P2RY14: variants seen among roughly 807,000 people sequenced by gnomAD.
P2RY14 encodes the protein P2Y purinoceptor 14.
A neutral mutation model predicts 0.9 loss-of-function variants in P2RY14; 2 were observed. The ratio of observed to expected loss-of-function variants is 2.16; its 90% CI spans 0.88 to 6.79. The LOEUF (loss-of-function observed/expected upper bound fraction) is 6.79, where lower values mean the gene tolerates loss of function less well. Ranked by LOEUF, P2RY14 falls within the 30% of genes most tolerant of loss-of-function variation. The pLI is 0.05. For synonymous variants in P2RY14, 158 were observed against 147.2 expected (o/e 1.07, Z -0.53); for missense variants, 378 against 400.1 (o/e 0.94, Z 0.47).
chr3:151,244,672 T>C (rs1734967072), intron 1 of P2RY14, among the ~76,000 whole-genome samples: 1 of 150,200 alleles, frequency 6.7e-6, no homozygotes, highest in Non-Finnish European at 1.5e-5. Context: ...GCAGGAAAGA[T>C]CCAAAATTGA....
At chr3:151,247,428 C>T (rs924981866) in intron 1 of P2RY14, among the ~76,000 whole-genome samples, 7 of 151,888 alleles carry the variant, frequency 4.6e-5, no homozygotes, top group African/African-American at 1.7e-4. Flanking sequence ...GAATACTATG[C>T]AGCCATAAAA....
intron 1 of P2RY14, among the ~76,000 whole-genome samples, chr3:151,225,803 T>G (rs748121305): frequency 1.3e-5 from 2 of 152,214 alleles, no homozygotes; most frequent in Non-Finnish European, 1.5e-5. Flanking sequence ...ACCACACTTC[T>G]CAGAAGCTGT....
chr3:151,255,179 T>G (rs1007729751), intron 1 of P2RY14, among the ~76,000 whole-genome samples: 2 of 152,140 alleles, frequency 1.3e-5, no homozygotes, highest in African/African-American at 2.4e-5. Flanking sequence ...ACCAATTTCA[T>G]GTAAGAAGGA....
intron 1 of P2RY14, among the ~76,000 whole-genome samples, chr3:151,246,368 C>G (rs1735473342): frequency 6.6e-6 from 1 of 152,142 alleles, no homozygotes. Context: ...TGACTTCAAA[C>G]TATACTACAA....
chr3:151,265,547 C>G (rs935182525), intron 1 of P2RY14, among the ~76,000 whole-genome samples: 5 of 152,206 alleles, frequency 3.3e-5, no homozygotes, highest in Non-Finnish European at 7.3e-5. Flanking sequence ...TCTCAAATCA[C>G]TGATGACAGA....
intron 1 of P2RY14, among the ~76,000 whole-genome samples, chr3:151,259,948 C>T (rs568177282): frequency 2.1e-4 from 32 of 152,276 alleles, no homozygotes; most frequent in Non-Finnish European, 3.4e-4. Context: ...AACCAATCCC[C>T]TTTTGGTATG....
chr3:151,252,792 G>T (rs1174673315), intron 1 of P2RY14, among the ~76,000 whole-genome samples: 1 of 152,060 alleles, frequency 6.6e-6, no homozygotes, highest in African/African-American at 2.4e-5. Flanking sequence ...AACTAGATAA[G>T]TTCTAGAACT....
intron 1 of P2RY14, among the ~76,000 whole-genome samples, chr3:151,274,965 T>C (rs909103309): frequency 6.6e-6 from 1 of 152,196 alleles, no homozygotes; most frequent in Non-Finnish European, 1.5e-5. Context: ...TGTAGCAGGA[T>C]GGAAATGTTC....
At chr3:151,270,196 C>CTGT (rs71621430) in intron 1 of P2RY14, 73 of 129,648 alleles carry the variant, frequency 5.6e-4, no homozygotes, top group Non-Finnish European at 9.2e-4. Context: ...AGCAAGCTGT[C>CTGT]GTGTGTGTGT....
chr3:151,254,063 G>C (rs1737352211), intron 1 of P2RY14, among the ~76,000 whole-genome samples: 2 of 145,150 alleles, frequency 1.4e-5, no homozygotes, highest in Non-Finnish European at 3.0e-5. Flanking sequence ...TGTACTTTAA[G>C]AAACAATTTA....
At chr3:151,269,840 A>C in intron 1 of P2RY14, 1 of 446,886 alleles carries the variant, frequency 2.2e-6, no homozygotes, top group Admixed American at 2.6e-5. Flanking sequence ...TCAAACGCAG[A>C]GTAAAGTCAG....
chr3:151,269,831 CA>C, intron 1 of P2RY14: 1 of 439,330 alleles, frequency 2.3e-6, no homozygotes, highest in South Asian at 1.7e-5. Context: ...ACGTTCCAGT[CA>C]AACGCAGAGT....
chr3:151,256,323 C>T (rs1200277677), intron 1 of P2RY14, among the ~76,000 whole-genome samples: 2 of 152,140 alleles, frequency 1.3e-5, no homozygotes, highest in African/African-American at 4.8e-5. Flanking sequence ...CTTCTCGGAG[C>T]TTTACATTTT....
intron 1 of P2RY14, among the ~76,000 whole-genome samples, chr3:151,272,196 G>T (rs774040629): frequency 6.6e-6 from 1 of 152,202 alleles, no homozygotes; most frequent in Non-Finnish European, 1.5e-5. Flanking sequence ...CTGGACAATA[G>T]ATGGTTTGTG....
intron 1 of P2RY14, among the ~76,000 whole-genome samples, chr3:151,267,944 C>T (rs989044191): frequency 6.6e-6 from 1 of 152,020 alleles, no homozygotes; most frequent in Admixed American, 6.5e-5. Context: ...TTAAGAAATG[C>T]GCTATTATCC....
intron 1 of P2RY14, among the ~76,000 whole-genome samples, chr3:151,272,375 C>G (rs1258427338): frequency 6.6e-6 from 1 of 152,154 alleles, no homozygotes; most frequent in Non-Finnish European, 1.5e-5. Context: ...GTATATCATT[C>G]CCATAGTTAT....
intron 1 of P2RY14, chr3:151,269,579 T>C: frequency 3.4e-6 from 1 of 290,412 alleles, no homozygotes; most frequent in South Asian, 3.7e-5. Flanking sequence ...ACAGCATTTG[T>C]CAGCCATCCA....
At chr3:151,256,731 T>C (rs1237800396) in intron 1 of P2RY14, among the ~76,000 whole-genome samples, 1 of 151,720 alleles carries the variant, frequency 6.6e-6, no homozygotes, top group Admixed American at 6.6e-5. Context: ...TTATTTTTCT[T>C]AGGTAAGGAG....
intron 1 of P2RY14, among the ~76,000 whole-genome samples, chr3:151,229,410 G>A (rs1731173627): frequency 6.9e-6 from 1 of 144,762 alleles, no homozygotes; most frequent in African/African-American, 2.6e-5. Flanking sequence ...GGGTTCAAGC[G>A]ATTCTCCTGC....
Sources: gnomAD v4.1 joint callset for allele counts (sites outside exome capture counted in the v4.1 genomes callset) on GRCh38, gnomAD v4.1.1 for gene constraint, MANE v1.5 for transcripts, NCBI Gene and HGNC (gene_info 2026-07-23, HGNC 2026-07-21) for gene names.